SDCCAG8: variants seen among roughly 807,000 people sequenced by gnomAD.
SDCCAG8 encodes serologically defined colon cancer antigen 8.
SDCCAG8 carries 74 observed loss-of-function variants against 101.8 expected under a neutral mutation model. The ratio of observed to expected loss-of-function variants is 0.73; its 90% CI spans 0.60 to 0.88. The LOEUF (loss-of-function observed/expected upper bound fraction) is 0.88, where lower values mean the gene tolerates loss of function less well. Ranked by LOEUF, SDCCAG8 falls within the 40% of genes least tolerant of loss-of-function variation. SDCCAG8 has a pLI of 0.00. For missense variants in SDCCAG8, 787 were observed against 822.6 expected, an observed-to-expected ratio of 0.96 and a Z score of 0.53; for synonymous variants, 281 against 292.9, an observed-to-expected ratio of 0.96 and a Z score of 0.41.
At position 243,293,226 on chromosome 1, in the gene SDCCAG8, A is replaced by G; in HGVS notation, c.675+7A>G. 6 of 1,613,930 alleles carry G rather than the reference A, an allele frequency of 3.7e-6. No individual in the cohort carries two copies. The highest frequency in any genetic ancestry group is 5.1e-6 in the Non-Finnish European group (6 of 1,179,898). On this transcript the variant is annotated splice_region_variant and intron_variant, in intron 6 of 17. Coordinates refer to ENST00000366541, the MANE Select transcript of SDCCAG8 (RefSeq NM_006642.5). ...TGGTGAGCAGCTAGAACTGGTGAGTATTTGGGTGCTTTTCTCTTATACATC... is the reference window on the plus strand; with the variant it reads ...TGGTGAGCAGCTAGAACTGGTGAGTGTTTGGGTGCTTTTCTCTTATACATC...
In SDCCAG8 at chr1:243,371,194, C is replaced by G. The variant is rs375728707; in HGVS notation, c.1474-7527C>G. ...TCTCTGTGCTATTTGTGTCTTCCACCTATGTCACATTATAGGCCAAGAGGT... is the reference window on the plus strand; with the variant it reads ...TCTCTGTGCTATTTGTGTCTTCCACGTATGTCACATTATAGGCCAAGAGGT... On this transcript the variant is annotated intron_variant, in intron 12 of 17. Coordinates refer to ENST00000366541, the MANE Select transcript of SDCCAG8 (RefSeq NM_006642.5). Among the ~76,000 whole-genome samples, 8 of 152,208 alleles carry G rather than the reference C, an allele frequency of 5.3e-5. No individual in the cohort carries two copies. In the East Asian group the frequency reaches 1.6e-3, roughly 30 times the overall value.
At chr1:243,307,587 C>T in intron 7 of SDCCAG8, 2 of 984,670 alleles carry the variant, frequency 2.0e-6, no homozygotes, top group Non-Finnish European at 2.4e-6. Context: ...TTCCTCACCT[C>T]AAGTATGTTG....
At chr1:243,323,189 T>C (rs749910372) in intron 9 of SDCCAG8, among the ~76,000 whole-genome samples, 9 of 151,856 alleles carry the variant, frequency 5.9e-5, no homozygotes, top group Non-Finnish European at 1.2e-4. Flanking sequence ...CTAGTCACCT[T>C]CAGTGGTTGT....
intron 12 of SDCCAG8, among the ~76,000 whole-genome samples, chr1:243,353,365 C>T (rs1431787566): frequency 6.6e-6 from 1 of 151,346 alleles, no homozygotes; most frequent in Non-Finnish European, 1.5e-5. Flanking sequence ...GTGGCGCGCG[C>T]CTGTAATCCC....
chr1:243,484,618 C>CTT, intron 16 of SDCCAG8, among the ~76,000 whole-genome samples: 1 of 152,370 alleles, frequency 6.6e-6, no homozygotes, highest in East Asian at 1.9e-4. Flanking sequence ...TCTCTTCATG[C>CTT]CTCAGTGTCC....
intron 12 of SDCCAG8, among the ~76,000 whole-genome samples, chr1:243,367,787 ATATC>A (rs1411436789): frequency 6.7e-6 from 1 of 149,838 alleles, no homozygotes; most frequent in Non-Finnish European, 1.5e-5. Context: ...ATAGATGTAT[ATATC>A]TAAATATTAT....
intron 16 of SDCCAG8, among the ~76,000 whole-genome samples, chr1:243,470,680 G>A (rs965702438): frequency 6.6e-6 from 1 of 151,838 alleles, no homozygotes. Flanking sequence ...GCAGGCTCTG[G>A]GTATCTGCTA....
At chr1:243,427,332 ATTT>A (rs755483379) in intron 16 of SDCCAG8, among the ~76,000 whole-genome samples, 123 of 149,462 alleles carry the variant, frequency 8.2e-4, no homozygotes, top group Non-Finnish European at 1.4e-3. Flanking sequence ...AGTAATGGGG[ATTT>A]TTTTTTTGGC....
intron 16 of SDCCAG8, among the ~76,000 whole-genome samples, chr1:243,449,349 G>T (rs1574104965): frequency 6.6e-6 from 1 of 152,332 alleles, no homozygotes; most frequent in Non-Finnish European, 1.5e-5. Context: ...GGTTCCCCCA[G>T]TGGCTGATAC....
chr1:243,334,198 G>A (rs1435016508), intron 10 of SDCCAG8, among the ~76,000 whole-genome samples: 2 of 152,046 alleles, frequency 1.3e-5, no homozygotes, highest in Admixed American at 1.3e-4. Context: ...TCCTTGGATG[G>A]TTCCTATAGC....
Position 243,491,262 on chromosome 1 carries a change from A to C in SDCCAG8, c.2112+2122A>C, listed in dbSNP as rs149971234. 2.4e-3 allele frequency among the ~76,000 whole-genome samples: 367 copies of C among 152,288 alleles called. 3 individuals are homozygous for C. The highest frequency in any genetic ancestry group is 7.6e-3 in the African/African-American group (316 of 41,556). ...CCAAATGAGTTGCAAAATTTTCACA[A>C]AACGCATTAAAAAAACCCCAAACCT... is the stretch of plus-strand genomic sequence containing the variant. On this transcript the variant is annotated intron_variant, in intron 17 of 17. Transcript: ENST00000366541.
chr1:243,347,985 T>C (rs1158928480), intron 12 of SDCCAG8, among the ~76,000 whole-genome samples: 1 of 151,484 alleles, frequency 6.6e-6, no homozygotes, highest in Non-Finnish European at 1.5e-5. Context: ...CTCTCTCTCC[T>C]TGCCCCTCCT....
chr1:243,270,846 G>C (rs201545733), intron 2 of SDCCAG8, 132 bp from the exon 3 acceptor site: 14 of 641,760 alleles, frequency 2.2e-5, no homozygotes, highest in Non-Finnish European at 3.7e-5. Flanking sequence ...TGTTGGTCTT[G>C]TATCCCCAGT....
At chr1:243,343,293 AT>A (rs1315249407) in intron 11 of SDCCAG8, among the ~76,000 whole-genome samples, 1 of 152,238 alleles carries the variant, frequency 6.6e-6, no homozygotes, top group Admixed American at 6.5e-5. Flanking sequence ...ATATTTGTAA[AT>A]TAGAAGCCAA....
intron 14 of SDCCAG8, among the ~76,000 whole-genome samples, chr1:243,417,253 T>C (rs2080655062): frequency 6.6e-6 from 1 of 152,174 alleles, no homozygotes. Context: ...CCCCCACTGC[T>C]AGCATGATCC....
intron 4 of SDCCAG8, among the ~76,000 whole-genome samples, chr1:243,285,477 T>A (rs2149284385): frequency 1.3e-5 from 2 of 152,356 alleles, no homozygotes; most frequent in South Asian, 4.1e-4. Context: ...CACAATATTT[T>A]TTAAATTACA....
intron 17 of SDCCAG8, among the ~76,000 whole-genome samples, chr1:243,489,627 A>C (rs1433386755): frequency 6.6e-6 from 1 of 152,206 alleles, no homozygotes; most frequent in Admixed American, 6.5e-5. Flanking sequence ...TAATATCTGG[A>C]GTGCTTGCAG....
chr1:243,445,407 A>G (rs1206316351), intron 16 of SDCCAG8, among the ~76,000 whole-genome samples: 1 of 152,244 alleles, frequency 6.6e-6, no homozygotes, highest in Non-Finnish European at 1.5e-5. Flanking sequence ...TCAATAACTT[A>G]TATGCTTCCA....
intron 16 of SDCCAG8, among the ~76,000 whole-genome samples, chr1:243,480,504 TGGATAGGTG>T (rs1425586325): frequency 2.2e-5 from 1 of 45,568 alleles, no homozygotes; most frequent in Non-Finnish European, 4.2e-5. Flanking sequence ...GATGGATGGA[TGGATAGGTG>T]GGATGGGTGG....
Sources: gnomAD v4.1 joint callset for allele counts (sites outside exome capture counted in the v4.1 genomes callset) on GRCh38, gnomAD v4.1.1 for gene constraint, MANE v1.5 for transcripts, NCBI Gene and HGNC (gene_info 2026-07-23, HGNC 2026-07-21) for gene names.